PIK3C2G: variants seen among roughly 807,000 people sequenced by gnomAD.
PIK3C2G encodes phosphatidylinositol 3-kinase C2 domain-containing subunit gamma.
In PIK3C2G, 168 loss-of-function variants were observed where a neutral mutation model predicts 181.1. The ratio of observed to expected loss-of-function variants is 0.93; its 90% CI spans 0.82 to 1.05. PIK3C2G has a LOEUF of 1.05. PIK3C2G is among the 50% of genes least tolerant of loss of function. The pLI is 0.00. For missense variants in PIK3C2G, 1,869 were observed against 1,732.8 expected (o/e 1.08, Z -1.40); for synonymous variants, 573 against 592.2 (o/e 0.97, Z 0.47).
chr12:18,708,127 A>G, the PIK3C2G span, among the ~76,000 whole-genome samples: 69 of 152,268 alleles, frequency 4.5e-4, no homozygotes, highest in African/African-American at 1.5e-3. Flanking sequence ...CATCCTACAT[A>G]TGTGCTACTT....
At position 18,504,919 on chromosome 12, in the gene PIK3C2G, A is replaced by G. The variant is rs7137907; in HGVS notation, c.3154-373A>G. Among the ~76,000 whole-genome samples, 994 of 152,264 alleles carry G rather than the reference A, an allele frequency of 6.5e-3. 10 individuals carry two copies. The highest frequency in any genetic ancestry group is 0.023 in the African/African-American group (966 of 41,562). On this transcript the variant is annotated intron_variant, in intron 23 of 32. Transcript: ENST00000538779. The stretch of plus-strand genomic sequence containing the variant: ...TAAAATTCCTCTGGGAATAGGCAAT[A>G]TTGGGGCGTATTGTTCCTCCTTTTA...
At chr12:18,567,152 C>G in intron 29 of PIK3C2G, 95 bp downstream of exon 29, 1 of 651,790 alleles carries the variant, frequency 1.5e-6, no homozygotes, top group Non-Finnish European at 2.7e-6. Context: ...AATGCCAGTA[C>G]TTTGGGAGGT....
At chr12:18,356,015 C>T (rs1008183943) in intron 11 of PIK3C2G, among the ~76,000 whole-genome samples, 22 of 152,268 alleles carry the variant, frequency 1.4e-4, no homozygotes, top group African/African-American at 4.6e-4. Flanking sequence ...TGTGGCCTTC[C>T]GGCAATACTG....
At chr12:18,578,922 A>C (rs1946358140) in intron 29 of PIK3C2G, among the ~76,000 whole-genome samples, 1 of 152,096 alleles carries the variant, frequency 6.6e-6, no homozygotes, top group African/African-American at 2.4e-5. Flanking sequence ...GATTCTAGAA[A>C]AATTCTCCTA....
intron 27 of PIK3C2G, 115 bp from the exon 28 acceptor site, chr12:18,563,262 G>T (rs1945442873): frequency 1.1e-6 from 1 of 900,398 alleles, no homozygotes; most frequent in Non-Finnish European, 1.6e-6. Flanking sequence ...TAGCTTTTAT[G>T]ATAATGTTTT....
intron 13 of PIK3C2G, among the ~76,000 whole-genome samples, chr12:18,378,688 C>CA (rs1334150050): frequency 6.6e-6 from 1 of 152,134 alleles, no homozygotes; most frequent in Non-Finnish European, 1.5e-5. Context: ...ACAACCCCAT[C>CA]AAAAAGTGGG....
chr12:18,674,707 C>T, the PIK3C2G span, among the ~76,000 whole-genome samples: 1 of 152,142 alleles, frequency 6.6e-6, no homozygotes, highest in Non-Finnish European at 1.5e-5. Context: ...CTGCTTGAAG[C>T]TAGGCTGGTC....
chr12:18,644,942 C>A (rs1950037825), intron 32 of PIK3C2G, among the ~76,000 whole-genome samples: 3 of 152,156 alleles, frequency 2.0e-5, no homozygotes, highest in East Asian at 1.9e-4. Flanking sequence ...TTTACTAGAC[C>A]CTTGTGTCAA....
intron 1 of PIK3C2G, among the ~76,000 whole-genome samples, chr12:18,273,612 T>C (rs1471053722): frequency 1.3e-5 from 2 of 152,158 alleles, no homozygotes; most frequent in African/African-American, 4.8e-5. Context: ...TGTAGAAAGC[T>C]GAAACTGGAT....
At chr12:18,428,957 C>G (rs1945996024) in intron 18 of PIK3C2G, among the ~76,000 whole-genome samples, 1 of 152,172 alleles carries the variant, frequency 6.6e-6, no homozygotes, top group East Asian at 1.9e-4. Context: ...ACTTTAACCA[C>G]TAGTCAAGTA....
intron 16 of PIK3C2G, among the ~76,000 whole-genome samples, chr12:18,416,000 C>G (rs1945154898): frequency 1.3e-5 from 2 of 152,202 alleles, no homozygotes; most frequent in Non-Finnish European, 2.9e-5. Flanking sequence ...GTAATCCCAG[C>G]ACTTTAGGAG....
chr12:18,306,865 G>A (rs111633365), intron 5 of PIK3C2G, among the ~76,000 whole-genome samples: 20 of 151,814 alleles, frequency 1.3e-4, no homozygotes, highest in African/African-American at 4.6e-4. Flanking sequence ...AATAGAAATC[G>A]TTTATTTTCT....
chr12:18,488,818 C>T (rs1470326320), intron 19 of PIK3C2G, among the ~76,000 whole-genome samples, 189 bp downstream of exon 19: 1 of 151,968 alleles, frequency 6.6e-6, no homozygotes, highest in Non-Finnish European at 1.5e-5. Flanking sequence ...ATCACCAGGA[C>T]ATGGTTTTTT....
At chr12:18,300,756 C>T (rs747666566) in intron 5 of PIK3C2G, among the ~76,000 whole-genome samples, 1 of 151,888 alleles carries the variant, frequency 6.6e-6, no homozygotes, top group Admixed American at 6.6e-5. Flanking sequence ...TATTTTAGTT[C>T]TTTTTCTTTC....
intron 24 of PIK3C2G, 114 bp downstream of exon 24, chr12:18,505,575 A>G (rs1318491450): frequency 3.2e-6 from 2 of 624,538 alleles, no homozygotes; most frequent in Non-Finnish European, 5.1e-6. Context: ...AAATCCCCCC[A>G]GGTAATATAA....
At chr12:18,485,856 A>G (rs1248110945) in intron 18 of PIK3C2G, among the ~76,000 whole-genome samples, 1 of 152,100 alleles carries the variant, frequency 6.6e-6, no homozygotes, top group African/African-American at 2.4e-5. Context: ...ATTTCTGTAA[A>G]CCTTAAAAGA....
At chr12:18,420,409 A>C (rs1945417641) in intron 16 of PIK3C2G, among the ~76,000 whole-genome samples, 1 of 152,092 alleles carries the variant, frequency 6.6e-6, no homozygotes, top group Non-Finnish European at 1.5e-5. Flanking sequence ...AAAAATGAAT[A>C]AGGCACAGTT....
intron 6 of PIK3C2G, among the ~76,000 whole-genome samples, chr12:18,315,205 T>C (rs1443986069): frequency 2.0e-5 from 3 of 152,170 alleles, no homozygotes; most frequent in Non-Finnish European, 4.4e-5. Flanking sequence ...TTGCAACATA[T>C]CAATGTGGAA....
chr12:18,395,007 TTTC>T (rs1437357247), intron 15 of PIK3C2G, among the ~76,000 whole-genome samples: 1 of 145,816 alleles, frequency 6.9e-6, no homozygotes, highest in African/African-American at 2.5e-5. Context: ...TTTCTCTTTC[TTTC>T]TTCTTTTTCT....
Sources: gnomAD v4.1 joint callset for allele counts (sites outside exome capture counted in the v4.1 genomes callset) on GRCh38, gnomAD v4.1.1 for gene constraint, MANE v1.5 for transcripts, NCBI Gene and HGNC (gene_info 2026-07-23, HGNC 2026-07-21) for gene names.